COG5: variants seen among roughly 807,000 people sequenced by gnomAD.
COG5 encodes the protein component of oligomeric golgi complex 5, also known as conserved oligomeric Golgi complex subunit 5.
In COG5, 86 loss-of-function variants were observed where a neutral mutation model predicts 110.4. That is an observed-to-expected ratio of 0.78 (90% CI 0.65 to 0.93). The LOEUF (loss-of-function observed/expected upper bound fraction) is 0.93, where lower values mean the gene tolerates loss of function less well. Among genes scored for constraint, COG5 ranks in the 40% least tolerant of loss-of-function variants. The pLI is 0.00. For missense variants in COG5, 1,077 were observed against 987.0 expected (o/e 1.09, Z -1.22); for synonymous variants, 360 against 334.6 (o/e 1.08, Z -0.83).
chr7:107,391,029 G>C (rs2129056665), intron 7 of COG5, among the ~76,000 whole-genome samples: 1 of 152,176 alleles, frequency 6.6e-6, no homozygotes, highest in East Asian at 1.9e-4. Context: ...TAAAAAGCTT[G>C]TTTACTCATG....
At chr7:107,394,118 C>A (rs567239152) in intron 7 of COG5, among the ~76,000 whole-genome samples, 2 of 151,948 alleles carry the variant, frequency 1.3e-5, no homozygotes, top group South Asian at 2.1e-4. Flanking sequence ...CCCGCCACCA[C>A]GCCCAGCTAA....
In COG5 at chr7:107,474,985, AAG is replaced by A. The variant is rs1796885361; in HGVS notation, c.538+52250_538+52251del. 1 of 1,612,440 alleles carries A rather than the reference AAG, an allele frequency of 6.2e-7. No homozygotes were observed. Among genetic ancestry groups the A allele is most frequent in the Non-Finnish European group, 8.5e-7 (1 of 1,179,248 alleles). On this transcript the variant is annotated intron_variant, in intron 6 of 21. Transcript: ENST00000297135. This position sits in a 1 kb window ranked among gnomAD's most constrained non-coding sequence, Gnocchi z 5.7. The stretch of plus-strand genomic sequence containing the variant: ...ACACCGTGAACGACGAGAAAGACAA[AAG>A]AGAGTCTTCAGGATGTCTTTATTGA...
At chr7:107,330,367 G>T (rs890858445) in intron 10 of COG5, among the ~76,000 whole-genome samples, 2 of 152,176 alleles carry the variant, frequency 1.3e-5, no homozygotes, top group African/African-American at 2.4e-5. Context: ...ATACAAAAAT[G>T]TCAGAACTTT....
intron 16 of COG5, among the ~76,000 whole-genome samples, chr7:107,248,752 TA>T (rs1802253970): frequency 1.3e-5 from 2 of 152,130 alleles, no homozygotes; most frequent in Admixed American, 6.6e-5. Flanking sequence ...GTTCAGTGGT[TA>T]AATAAGCCCA....
chr7:107,465,680 G>A (rs924643513), intron 6 of COG5, among the ~76,000 whole-genome samples: 1 of 152,126 alleles, frequency 6.6e-6, no homozygotes, highest in Non-Finnish European at 1.5e-5. Context: ...CAGTCTTTAA[G>A]AATTATTAAT....
intron 6 of COG5, among the ~76,000 whole-genome samples, chr7:107,512,935 AT>A (rs1799637138): frequency 6.6e-6 from 1 of 152,150 alleles, no homozygotes; most frequent in African/African-American, 2.4e-5. Context: ...ACCTAAAACC[AT>A]AAAAACCCTA....
intron 7 of COG5, among the ~76,000 whole-genome samples, chr7:107,397,470 G>A (rs146228100): frequency 6.9e-4 from 105 of 152,024 alleles, no homozygotes; most frequent in African/African-American, 2.5e-3. Context: ...AGTTCATACA[G>A]CCTCATCCAG....
At chr7:107,550,347 C>A (rs1584957653) in intron 3 of COG5, among the ~76,000 whole-genome samples, 3 of 152,164 alleles carry the variant, frequency 2.0e-5, no homozygotes, top group Admixed American at 6.5e-5. Flanking sequence ...TTCTACAGAG[C>A]TATCAGAGTA....
chr7:107,474,390 C>T lies in COG5; in HGVS notation c.538+52847G>A, dbSNP rs762245113. On this transcript the variant is annotated intron_variant, in intron 6 of 21. Transcript: ENST00000297135. The surrounding 1 kb of genome is among the most constrained non-coding windows in gnomAD (Gnocchi z 5.7). ...TCCTTCTGCTTTCACTGGAGAGTAA[C>T]ACTGCTCTCATTTGCTGTTTCCATG... The T allele has an allele frequency of 1.5e-5, 24 of 1,611,250 alleles. No individual in the cohort carries two copies. The highest frequency in any genetic ancestry group is 2.0e-5 in the Non-Finnish European group (23 of 1,177,558).
intron 5 of COG5, among the ~76,000 whole-genome samples, chr7:107,545,776 T>A (rs1459049161): frequency 2.0e-5 from 1 of 50,412 alleles, no homozygotes; most frequent in Non-Finnish European, 3.1e-5. Context: ...TGAGACTCCA[T>A]CTCAAAAAAA....
intron 21 of COG5, chr7:107,209,722 T>C: frequency 1.4e-6 from 1 of 717,410 alleles, no homozygotes; most frequent in South Asian, 6.3e-5. Context: ...ATATCTCGGC[T>C]TACTTCGTAT....
intron 14 of COG5, among the ~76,000 whole-genome samples, chr7:107,269,189 A>C (rs1362115231): frequency 1.3e-5 from 2 of 152,008 alleles, no homozygotes; most frequent in African/African-American, 4.8e-5. Flanking sequence ...ATTATATTCA[A>C]TTTAGGCCTG....
chr7:107,290,834 T>C (rs1159423252), intron 12 of COG5, among the ~76,000 whole-genome samples: 1 of 147,416 alleles, frequency 6.8e-6, no homozygotes, highest in Non-Finnish European at 1.5e-5. Context: ...GCGTGGGGAG[T>C]GGGTAAAGAC....
intron 5 of COG5, among the ~76,000 whole-genome samples, chr7:107,547,756 C>G (rs564289124): frequency 4.1e-4 from 62 of 151,358 alleles, no homozygotes; most frequent in African/African-American, 1.4e-3. Context: ...AAGAAATAAT[C>G]AGAAAAACAA....
intron 21 of COG5, among the ~76,000 whole-genome samples, chr7:107,204,401 G>A (rs919470120): frequency 2.6e-5 from 4 of 152,064 alleles, no homozygotes; most frequent in Admixed American, 1.3e-4. Flanking sequence ...GAAAAAGTTC[G>A]TCAGTCCCTG....
intron 10 of COG5, among the ~76,000 whole-genome samples, chr7:107,341,725 C>T (rs7804348): frequency 0.024 from 3,644 of 152,174 alleles, 67 homozygotes; most frequent in Non-Finnish European, 0.037. Context: ...AGCCTCACAC[C>T]TACAGCCATC....
intron 6 of COG5, among the ~76,000 whole-genome samples, chr7:107,413,005 T>C (rs183433252): frequency 1.0e-3 from 159 of 152,116 alleles, no homozygotes; most frequent in African/African-American, 3.6e-3. Flanking sequence ...GCTGCTGCTG[T>C]TGTTTTTTTT....
intron 6 of COG5, among the ~76,000 whole-genome samples, chr7:107,463,187 T>C (rs1304574286): frequency 3.9e-5 from 6 of 152,188 alleles, no homozygotes; most frequent in Non-Finnish European, 7.3e-5. Flanking sequence ...AGAAATAAGC[T>C]TTTCCCCAAA....
At chr7:107,243,358 A>G (rs2116510061) in intron 17 of COG5, among the ~76,000 whole-genome samples, 1 of 151,904 alleles carries the variant, frequency 6.6e-6, no homozygotes, top group African/African-American at 2.4e-5. Flanking sequence ...CTAAACATAC[A>G]AAAAATTAGC....
Sources: gnomAD v4.1 joint callset for allele counts (sites outside exome capture counted in the v4.1 genomes callset) on GRCh38, gnomAD v4.1.1 for gene constraint, Gnocchi (gnomAD v3.1) non-coding constraint, MANE v1.5 for transcripts, NCBI Gene and HGNC (gene_info 2026-07-23, HGNC 2026-07-21) for gene names.